ZNF232: variants seen among roughly 807,000 people sequenced by gnomAD.
The protein encoded by ZNF232 is zinc finger and SCAN domain-containing protein 11.
Under a neutral mutation model 25.2 loss-of-function variants are expected in ZNF232, and 25 were observed. The ratio of observed to expected loss-of-function variants is 0.99; its 90% confidence interval spans 0.72 to 1.39. The LOEUF (loss-of-function observed/expected upper bound fraction) is 1.39. ZNF232 is among the 40% of genes most tolerant of loss of function. The pLI is 0.00. For missense variants in ZNF232, 519 were observed against 520.9 expected (o/e 1.00, Z 0.04); for synonymous variants, 193 against 182.9 (o/e 1.06, Z -0.45).
At chr17:5,109,329 G>A in intron 2 of ZNF232, 65 bp downstream of exon 2, 4 of 1,589,952 alleles carry the variant, frequency 2.5e-6, no homozygotes, top group Non-Finnish European at 3.5e-6. Flanking sequence ...CCCTACAGCT[G>A]CCCCTCGGTC....
intron 1 of ZNF232, chr17:5,118,147 T>C (rs1373580883): frequency 6.6e-6 from 1 of 152,282 alleles, no homozygotes; most frequent in East Asian, 1.9e-4. Context: ...ACCATAGTCA[T>C]GTGCTCTCTC....
chr17:5,117,218 A>AT (rs1266770242), intron 1 of ZNF232, among the ~76,000 whole-genome samples: 2 of 152,306 alleles, frequency 1.3e-5, no homozygotes, highest in African/African-American at 4.8e-5. Context: ...TGCTTAACAC[A>AT]TATTAAAAGC....
chr17:5,109,735 C>CCAT (rs775483531), exon 2 of ZNF232: 4 of 1,614,136 alleles, frequency 2.5e-6, no homozygotes, highest in African/African-American at 2.7e-5. Flanking sequence ...TCCTTTGGTC[C>CCAT]CATCATCATC....
chr17:5,115,332 A>C (rs1455991280), upstream of ZNF232, among the ~76,000 whole-genome samples: 4 of 152,078 alleles, frequency 2.6e-5, no homozygotes, highest in Non-Finnish European at 5.9e-5. Context: ...CCAGTGGATC[A>C]CCTGAGGTCA....
At chr17:5,116,268 G>A (rs1597943528), upstream of ZNF232, among the ~76,000 whole-genome samples, 1 of 151,888 alleles carries the variant, frequency 6.6e-6, no homozygotes, top group Admixed American at 6.5e-5. Context: ...CGCCACTCCC[G>A]GCCCCGCTCC....
chr17:5,111,595 G>T, intron 1 of ZNF232: 1 of 688,040 alleles, frequency 1.5e-6, no homozygotes, highest in Non-Finnish European at 2.4e-6. Flanking sequence ...AAGAGAAGAG[G>T]AACATCAAGA....
At chr17:5,105,994 A>G in exon 4 of ZNF232, 1 of 1,614,110 alleles carries the variant, frequency 6.2e-7, no homozygotes, top group Middle Eastern at 1.6e-4. Context: ...CACTCATTAC[A>G]CTCATAGGGC....
rs558318629 is a variant in ZNF232, at chr17:5,117,715, G to A, written c.-530+5262C>T. 4.6e-5 allele frequency among the ~76,000 whole-genome samples: 7 copies of A among 152,116 alleles called. No individual in the cohort carries two copies. In the East Asian group the frequency reaches 9.6e-4, roughly 21 times the overall value. On this transcript the variant is annotated intron_variant, in intron 1 of 4. Coordinates refer to the ZNF232 transcript ENST00000250076. ...CATTCCAGCTGCCCTGTAGAGAAGCGTTGGAATCAGGGAGGCATGTTAGGA... is the reference window on the plus strand; with the variant it reads ...CATTCCAGCTGCCCTGTAGAGAAGCATTGGAATCAGGGAGGCATGTTAGGA...
intron 1 of ZNF232, chr17:5,111,425 C>T (rs1340311104): frequency 5.9e-6 from 2 of 336,628 alleles, no homozygotes; most frequent in Non-Finnish European, 1.1e-5. Context: ...AGGAAAAACG[C>T]GGAGCTCGCG....
chr17:5,108,020 GTC>G (rs2072303751), intron 3 of ZNF232, among the ~76,000 whole-genome samples: 1 of 152,104 alleles, frequency 6.6e-6, no homozygotes, highest in African/African-American at 2.4e-5. Context: ...ACAAGAAAAA[GTC>G]TGGAAAAAAG....
At chr17:5,121,110 C>T (rs2072649131) in intron 1 of ZNF232, among the ~76,000 whole-genome samples, 2 of 152,188 alleles carry the variant, frequency 1.3e-5, no homozygotes, top group Admixed American at 1.3e-4. Flanking sequence ...TCTCCAGTGT[C>T]CTAGGGACAG....
chr17:5,107,013 C>T (rs2072275579), intron 3 of ZNF232, among the ~76,000 whole-genome samples: 1 of 151,960 alleles, frequency 6.6e-6, no homozygotes, highest in Admixed American at 6.6e-5. Flanking sequence ...AACTAACTGC[C>T]TCCTTTATCA....
At chr17:5,111,760 C>T (rs764103910) in intron 1 of ZNF232, 40 bp downstream of exon 1, 1 of 1,613,404 alleles carries the variant, frequency 6.2e-7, no homozygotes, top group Non-Finnish European at 8.5e-7. Context: ...AAAAGCCAAG[C>T]CGCCAGGTGG....
intron 2 of ZNF232, 119 bp downstream of exon 2, chr17:5,109,267 CACATACTA>C: frequency 7.8e-7 from 1 of 1,275,180 alleles, no homozygotes; most frequent in Non-Finnish European, 1.1e-6. Flanking sequence ...GACACAGAAA[CACATACTA>C]ACTGCTCTAC....
chr17:5,121,040 G>A (rs1364993392), intron 1 of ZNF232, among the ~76,000 whole-genome samples: 1 of 152,232 alleles, frequency 6.6e-6, no homozygotes, highest in African/African-American at 2.4e-5. Flanking sequence ...CACCACAGCT[G>A]TTTACAGGAT....
At chr17:5,109,397 C>T (rs112273580) in exon 2 of ZNF232, 36 of 1,613,956 alleles carry the variant, frequency 2.2e-5, no homozygotes, top group Admixed American at 1.3e-4. Context: ...TTCCCACCTG[C>T]GGCTCTGGTT....
At chr17:5,113,926 TAAAGC>T (rs1555583942), upstream of ZNF232, 1 of 152,202 alleles carries the variant, frequency 6.6e-6, no homozygotes, top group Non-Finnish European at 1.5e-5. Context: ...CCTCTCATGA[TAAAGC>T]AAAGGAACTA....
chr17:5,120,402 G>A (rs1356700234), intron 1 of ZNF232, among the ~76,000 whole-genome samples: 1 of 152,158 alleles, frequency 6.6e-6, no homozygotes, highest in African/African-American at 2.4e-5. Flanking sequence ...GTCCAGTCCC[G>A]AGTCACAGTG....
upstream of ZNF232, among the ~76,000 whole-genome samples, chr17:5,115,555 A>ACACACACACACACACACACACACAC (rs2072512102): frequency 1.3e-5 from 2 of 148,664 alleles, no homozygotes; most frequent in African/African-American, 5.0e-5. Context: ...CGTCTCCAAA[A>ACACACACACACACACACACACACAC]ACACACACAC....
Sources: gnomAD v4.1 joint callset for allele counts (sites outside exome capture counted in the v4.1 genomes callset) on GRCh38, gnomAD v4.1.1 for gene constraint, MANE v1.5 for transcripts, NCBI Gene and HGNC (gene_info 2026-07-23, HGNC 2026-07-21) for gene names.